Variants in NBAS observed in about 807,000 individuals in gnomAD.
NBAS encodes NAG/BC035112 fusion.
A neutral mutation model predicts 302.5 loss-of-function variants in NBAS; 219 were observed. The observed-to-expected ratio is 0.72, with a 90% CI of 0.65 to 0.81. NBAS has a LOEUF of 0.81. NBAS is among the 30% of genes least tolerant of loss of function. The pLI is 0.00. For synonymous variants in NBAS, 1,118 were observed against 1,021.6 expected (o/e 1.09, Z -1.80); for missense variants, 2,932 against 2,841.6 (o/e 1.03, Z -0.72).
At chr2:15,463,952 T>C (rs1218779691) in intron 19 of NBAS, among the ~76,000 whole-genome samples, 2 of 152,144 alleles carry the variant, frequency 1.3e-5, no homozygotes, top group Non-Finnish European at 2.9e-5. Context: ...AAATAAGATA[T>C]ACGGGCTTTG....
At chr2:15,184,290 C>T (rs1439260012) in intron 50 of NBAS, among the ~76,000 whole-genome samples, 1 of 151,930 alleles carries the variant, frequency 6.6e-6, no homozygotes, top group Non-Finnish European at 1.5e-5. Flanking sequence ...AATAGTCCAC[C>T]CCATGGAGGG....
chr2:14,980,066 G>T, the NBAS span, among the ~76,000 whole-genome samples: 1 of 152,202 alleles, frequency 6.6e-6, no homozygotes, highest in Non-Finnish European at 1.5e-5. Context: ...ACACAAAGCA[G>T]ATAGAGGAGT....
chr2:15,179,095 G>A lies in NBAS; in HGVS notation c.6733C>T (p.Leu2245=). The A allele has an allele frequency of 6.2e-7, 1 of 1,614,184 alleles. No homozygotes were observed. Among genetic ancestry groups the A allele is most frequent in the Non-Finnish European group, 8.5e-7 (1 of 1,180,040 alleles). The part of the protein sequence containing the change: ...PAEGVKELCL[L]LLNQSLLLPS... ...AGCAGGAGGGACTGGTTAAGCAGCA[G>A]CAGACACAGCTCCTTCACACCCTGA... Residue 2245 remains leucine, a synonymous_variant, in exon 51 of 52, where the codon CTG becomes TTG. Transcript: ENST00000281513.
At chr2:15,007,797 A>G in the NBAS span, among the ~76,000 whole-genome samples, 2 of 152,238 alleles carry the variant, frequency 1.3e-5, no homozygotes, top group Non-Finnish European at 2.9e-5. Context: ...AAATGAAAAG[A>G]GCTTGGATTT....
intron 28 of NBAS, among the ~76,000 whole-genome samples, chr2:15,385,352 G>A (rs1290775405): frequency 1.3e-5 from 2 of 152,182 alleles, no homozygotes; most frequent in Non-Finnish European, 2.9e-5. Flanking sequence ...GCACTGTCTA[G>A]CTGAATTCAA....
intron 26 of NBAS, among the ~76,000 whole-genome samples, chr2:15,399,831 T>C (rs773125378): frequency 6.6e-6 from 1 of 152,112 alleles, no homozygotes; most frequent in Non-Finnish European, 1.5e-5. Flanking sequence ...TAAATAGGGA[T>C]TATTCAGAAT....
At chr2:15,468,650 G>T in intron 16 of NBAS, 117 bp from the exon 17 acceptor site, 1 of 1,207,278 alleles carries the variant, frequency 8.3e-7, no homozygotes, top group Non-Finnish European at 1.2e-6. Flanking sequence ...TTAGGACCTT[G>T]GCCATAGGGA....
the NBAS span, among the ~76,000 whole-genome samples, chr2:14,795,806 C>T: frequency 0.39 from 59,995 of 151,954 alleles, 12,328 homozygotes; most frequent in African/African-American, 0.5. Context: ...AACTCCTACC[C>T]CAACCCCAAC....
the NBAS span, among the ~76,000 whole-genome samples, chr2:14,845,095 G>A: frequency 6.6e-6 from 1 of 152,164 alleles, no homozygotes; most frequent in Admixed American, 6.5e-5. Context: ...GCAGGCTTGA[G>A]TGAGACCCAG....
At chr2:15,442,105 G>C (rs1014868835) in intron 21 of NBAS, among the ~76,000 whole-genome samples, 7 of 132,182 alleles carry the variant, frequency 5.3e-5, no homozygotes, top group East Asian at 4.0e-4. Flanking sequence ...CAACGAGACA[G>C]ATAGTTAACA....
the NBAS span, among the ~76,000 whole-genome samples, chr2:15,143,543 C>A: frequency 6.6e-6 from 1 of 152,160 alleles, no homozygotes; most frequent in Non-Finnish European, 1.5e-5. Context: ...AATTCTCCAC[C>A]CACGGGCTTC....
chr2:15,416,507 G>C (rs2148461314), intron 24 of NBAS, among the ~76,000 whole-genome samples: 1 of 152,208 alleles, frequency 6.6e-6, no homozygotes, highest in Non-Finnish European at 1.5e-5. Context: ...CAGAGGGAGA[G>C]ACAAAAGGAA....
At chr2:14,824,014 C>T in the NBAS span, among the ~76,000 whole-genome samples, 3 of 152,198 alleles carry the variant, frequency 2.0e-5, no homozygotes, top group Admixed American at 1.3e-4. Context: ...TACTCAGTGT[C>T]GAGAAGGGCA....
the NBAS span, among the ~76,000 whole-genome samples, chr2:15,119,590 C>T: frequency 0.14 from 20,586 of 152,002 alleles, 2,616 homozygotes; most frequent in African/African-American, 0.32. Flanking sequence ...CCACCTGCCT[C>T]GGCCTCTCAG....
rs367609109 is a variant in NBAS at position 15,356,287 on chromosome 2, T to C, written c.3931+16A>G. On this transcript the variant is annotated intron_variant, in intron 33 of 51. Coordinates refer to ENST00000281513, the MANE Select transcript of NBAS (RefSeq NM_015909.4). ...AAGAGGACATAAGCAAAGTGTTAAATAAGCTGTCTACTCACCTGTGGCCAT... is the reference window on the plus strand; with the variant it reads ...AAGAGGACATAAGCAAAGTGTTAAACAAGCTGTCTACTCACCTGTGGCCAT... 15 of 1,593,340 alleles carry C rather than the reference T, an allele frequency of 9.4e-6. No individual in the cohort carries two copies. The highest frequency in any genetic ancestry group is 1.7e-4 in the Middle Eastern group (1 of 6,034).
At chr2:15,400,235 A>G (rs1676082456) in intron 26 of NBAS, among the ~76,000 whole-genome samples, 1 of 151,694 alleles carries the variant, frequency 6.6e-6, no homozygotes, top group Non-Finnish European at 1.5e-5. Flanking sequence ...AAGAAGAGAC[A>G]GAGAAAAAAA....
the NBAS span, among the ~76,000 whole-genome samples, chr2:15,133,806 C>T: frequency 6.6e-6 from 1 of 152,106 alleles, no homozygotes; most frequent in African/African-American, 2.4e-5. Flanking sequence ...ATTACTTTCT[C>T]AACTGAGAGT....
chr2:14,994,494 C>T, the NBAS span, among the ~76,000 whole-genome samples: 29,200 of 152,144 alleles, frequency 0.19, 3,762 homozygotes, highest in Non-Finnish European at 0.3. Context: ...ATGATAATAA[C>T]GGACCCTAGG....
In NBAS at chr2:15,394,356, G is replaced by A; in HGVS notation, c.3135-7C>T. Reference sequence around the variant, plus strand: ...TTCCAAAAGCTCTGACACACTATAAGTGAAAAAAGAATTATTTAATGTCTT... The same window carrying A: ...TTCCAAAAGCTCTGACACACTATAAATGAAAAAAGAATTATTTAATGTCTT... On this transcript the variant is annotated splice_region_variant and splice_polypyrimidine_tract_variant and intron_variant, in intron 27 of 51. Coordinates refer to ENST00000281513, the MANE Select transcript of NBAS (RefSeq NM_015909.4). The A allele has an allele frequency of 6.2e-7, 1 of 1,612,080 alleles. No individual in the cohort carries two copies. The highest frequency in any genetic ancestry group is 8.5e-7 in the Non-Finnish European group (1 of 1,178,816).
Sources: gnomAD v4.1 joint callset for allele counts (sites outside exome capture counted in the v4.1 genomes callset) on GRCh38, gnomAD v4.1.1 for gene constraint, MANE v1.5 for transcripts, NCBI Gene and HGNC (gene_info 2026-07-23, HGNC 2026-07-21) for gene names.